Variants in PUDP observed in about 807,000 individuals in gnomAD.
The protein encoded by PUDP is pseudouridine 5'-phosphatase, also known as pseudouridine-5'-phosphatase.
A neutral mutation model predicts 9.4 loss-of-function variants in PUDP; 8 were observed. The observed-to-expected ratio is 0.85, with a 90% CI of 0.50 to 1.53. PUDP has a LOEUF of 1.53. Ranked by LOEUF, PUDP falls within the 40% of genes most tolerant of loss-of-function variation. The pLI is 0.00. For synonymous variants in PUDP, 99 were observed against 80.7 expected, an observed-to-expected ratio of 1.23 and a Z score of -1.22; for missense variants, 188 against 189.7, an observed-to-expected ratio of 0.99 and a Z score of 0.05.
intron 3 of PUDP, among the ~76,000 whole-genome samples, chrX:6,780,362 A>G (rs1426639389): frequency 1.8e-5 from 2 of 110,856 alleles, no homozygotes; most frequent in African/African-American, 6.6e-5. Flanking sequence ...ACTACTTAAG[A>G]CATGATTTAG....
chrX:6,865,392 T>C (rs928006320), intron 3 of PUDP, among the ~76,000 whole-genome samples: 2 of 112,368 alleles, frequency 1.8e-5, no homozygotes, highest in Non-Finnish European at 3.8e-5. Context: ...TTCAGAGACT[T>C]GCAACTGTTG....
intron 1 of PUDP, among the ~76,000 whole-genome samples, chrX:7,142,683 C>T (rs1932807679): frequency 2.3e-5 from 2 of 86,718 alleles, no homozygotes; most frequent in South Asian, 6.6e-4. Context: ...CTTACTCTGT[C>T]GTCCAGGCTG....
intron 3 of PUDP, among the ~76,000 whole-genome samples, chrX:6,774,537 A>G (rs1925418384): frequency 8.9e-6 from 1 of 112,003 alleles, no homozygotes; most frequent in African/African-American, 3.2e-5. Flanking sequence ...AGGCTACACA[A>G]CCTCTCCAGT....
intron 1 of PUDP, among the ~76,000 whole-genome samples, chrX:7,111,304 G>A (rs951830838): frequency 2.7e-5 from 3 of 111,062 alleles, no homozygotes; most frequent in Admixed American, 9.5e-5. Flanking sequence ...CACATGGGAA[G>A]GCCTGATTTT....
intron 3 of PUDP, among the ~76,000 whole-genome samples, chrX:6,920,313 A>T (rs954961354): frequency 3.6e-5 from 4 of 111,003 alleles, no homozygotes; most frequent in Non-Finnish European, 7.5e-5. Flanking sequence ...CCCATTGTAC[A>T]CTGCATTTTC....
intron 3 of PUDP, among the ~76,000 whole-genome samples, chrX:6,964,484 G>A (rs113202716): frequency 0.013 from 1,451 of 110,772 alleles, 16 homozygotes; most frequent in African/African-American, 0.042. Context: ...ACCAGCTTGC[G>A]CAACATAGTG....
At chrX:7,046,732 C>T (rs373529432), downstream of PUDP, among the ~76,000 whole-genome samples, 3 of 112,139 alleles carry the variant, frequency 2.7e-5, no homozygotes, top group African/African-American at 6.5e-5. Context: ...CCCTTTCACA[C>T]GGTTTTGAAA....
At chrX:7,112,811 G>C (rs755040360) in intron 1 of PUDP, among the ~76,000 whole-genome samples, 1 of 103,503 alleles carries the variant, frequency 9.7e-6, no homozygotes, top group Non-Finnish European at 2.0e-5. Context: ...ACAGGTGTGC[G>C]CCACCACACC....
chrX:6,992,663 G>A (rs1459311431), intron 1 of PUDP, among the ~76,000 whole-genome samples: 2 of 111,035 alleles, frequency 1.8e-5, no homozygotes, highest in Non-Finnish European at 3.8e-5. Context: ...TGGGAAATGA[G>A]CTCCACCACT....
chrX:7,047,998 G>A (rs1448396780), downstream of PUDP, among the ~76,000 whole-genome samples: 1 of 111,970 alleles, frequency 8.9e-6, no homozygotes, highest in Non-Finnish European at 1.9e-5. Flanking sequence ...CTATTCCTTA[G>A]AATGCCGATT....
At chrX:7,028,764 G>A (rs757089843) in intron 1 of PUDP, among the ~76,000 whole-genome samples, 14 of 111,612 alleles carry the variant, frequency 1.3e-4, no homozygotes, top group Non-Finnish European at 2.4e-4. Flanking sequence ...GGGTTTGCCC[G>A]GACTGACATA....
At chrX:7,104,593 G>A (rs1363733968) in intron 2 of PUDP, among the ~76,000 whole-genome samples, 2 of 111,987 alleles carry the variant, frequency 1.8e-5, no homozygotes, top group Non-Finnish European at 3.8e-5. Context: ...TATAGTAACT[G>A]TATGGATGTG....
chrX:6,801,415 G>A (rs1382566713), intron 3 of PUDP, among the ~76,000 whole-genome samples: 2 of 112,410 alleles, frequency 1.8e-5, no homozygotes, highest in Admixed American at 9.4e-5. Context: ...GTCACTTACA[G>A]AACCAATGAC....
Position 7,056,956 on chromosome X carries a change from C to A in PUDP, c.511-6484G>T, listed in dbSNP as rs942781085. Among the ~76,000 whole-genome samples the A allele has an allele frequency of 4.5e-5, 5 of 111,540 alleles. 1 individual carries two copies. Among genetic ancestry groups the A allele is most frequent in the Admixed American group, 2.9e-4 (3 of 10,523 alleles). On this transcript the variant is annotated intron_variant, in intron 3 of 3. Coordinates refer to ENST00000381077, the MANE Select transcript of PUDP (RefSeq NM_012080.5). The stretch of plus-strand genomic sequence containing the variant: ...AATATATCTGATTTCCATCTCCAGG[C>A]GAGGAGATGAGCTTAATTAAACTGT...
intron 1 of PUDP, among the ~76,000 whole-genome samples, chrX:7,029,906 A>AT (rs934379018): frequency 2.0e-4 from 22 of 110,266 alleles, no homozygotes; most frequent in African/African-American, 6.3e-4. Context: ...AAAGGTTCAC[A>AT]TTTTTTTTCT....
At position 6,775,708 on chromosome X, in the gene PUDP, C is replaced by T. The variant is rs939014279; in HGVS notation, c.*248-69242G>A. 4.5e-5 allele frequency among the ~76,000 whole-genome samples: 5 copies of T among 110,479 alleles called. No homozygotes were observed. The East Asian group carries it at 8.6e-4, about 19-fold the overall frequency. The stretch of plus-strand genomic sequence containing the variant: ...AGGTGATGAGGGTGGAGGTGATGAG[C>T]GGTGATGAGGGTGGAGCCCTTATGA... On this transcript the variant is annotated intron_variant and NMD_transcript_variant, in intron 3 of 3. Transcript: ENST00000655425.
intron 1 of PUDP, among the ~76,000 whole-genome samples, chrX:6,980,046 CTTCTT>C (rs979551359): frequency 6.0e-4 from 66 of 109,812 alleles, no homozygotes; most frequent in African/African-American, 1.2e-3. Context: ...GGTAGTTTTT[CTTCTT>C]TTCTTTTCTT....
At chrX:6,880,980 A>C (rs890785822) in intron 3 of PUDP, among the ~76,000 whole-genome samples, 1 of 112,666 alleles carries the variant, frequency 8.9e-6, no homozygotes, top group African/African-American at 3.2e-5. Flanking sequence ...GATAATAAGT[A>C]AACAAACCAG....
At chrX:6,727,922 G>A (rs947656530) in intron 3 of PUDP, among the ~76,000 whole-genome samples, 38 of 111,939 alleles carry the variant, frequency 3.4e-4, no homozygotes, top group African/African-American at 1.1e-3. Context: ...TCTCAATCAG[G>A]AGGTTGAGGT....
Sources: allele counts gnomAD v4.1 joint callset (sites outside exome capture counted in the v4.1 genomes callset), GRCh38; gene constraint gnomAD v4.1.1; transcripts MANE v1.5; gene names NCBI Gene and HGNC (gene_info 2026-07-23, HGNC 2026-07-21).